Variants in UACA observed in about 807,000 individuals in gnomAD.
UACA encodes the protein nuclear membrane binding protein.
Under a neutral mutation model 160.5 loss-of-function variants are expected in UACA, and 112 were observed. That is an observed-to-expected ratio of 0.70 (90% CI 0.60 to 0.82). The LOEUF is 0.82. UACA is among the 40% of genes least tolerant of loss of function. UACA has a pLI of 0.00. For missense variants in UACA, 1,574 were observed against 1,614.6 expected (o/e 0.97, Z 0.43); for synonymous variants, 557 against 568.4 (o/e 0.98, Z 0.29).
intron 13 of UACA, 138 bp from the exon 14 acceptor site, chr15:70,672,139 T>C: frequency 1.7e-6 from 1 of 603,404 alleles, no homozygotes; most frequent in Non-Finnish European, 2.6e-6. Flanking sequence ...ATTATTCTAC[T>C]CAAACCCACA....
Position 70,697,535 on chromosome 15 carries a change from C to G in UACA, c.212+1992G>C, listed in dbSNP as rs1279772483. On this transcript the variant is annotated intron_variant, in intron 2 of 18. Coordinates refer to ENST00000322954, the MANE Select transcript of UACA (RefSeq NM_018003.4). ...GCTTCAAATATTTCATTTTTGAAACCAAATTGAGCTCAAGAAGCACATGTT... is the reference window on the plus strand; with the variant it reads ...GCTTCAAATATTTCATTTTTGAAACGAAATTGAGCTCAAGAAGCACATGTT... Among the ~76,000 whole-genome samples the G allele has an allele frequency of 3.9e-5, 6 of 152,234 alleles. No homozygotes were observed. In the East Asian group the frequency reaches 1.2e-3, roughly 29 times the overall value.
Position 70,763,423 on chromosome 15 carries a change from G to A in UACA, c.-16C>T, listed in dbSNP as rs2030901675. 4 of 1,297,898 alleles carry A rather than the reference G, an allele frequency of 3.1e-6. No individual in the cohort carries two copies. The highest frequency in any genetic ancestry group is 3.2e-5 in the East Asian group (1 of 31,736). The allele number at this position is 1,297,898 out of a possible 1,614,324, so 80.4% of individuals were successfully genotyped here. A position where few individuals can be genotyped will look rare whatever the true frequency, so the allele number is the denominator to read the frequency against. On this transcript the variant is annotated 5_prime_UTR_variant, in exon 1 of 19. Coordinates refer to ENST00000322954, the MANE Select transcript of UACA (RefSeq NM_018003.4). Reference sequence around the variant, plus strand: ...GGCTCTTCATGGCTAACTCTTGCCTGGCCCCCGCGCGAACCTTAAAGGCTG... The same window carrying A: ...GGCTCTTCATGGCTAACTCTTGCCTAGCCCCCGCGCGAACCTTAAAGGCTG...
At chr15:70,756,592 G>T (rs1449544306) in intron 1 of UACA, among the ~76,000 whole-genome samples, 4 of 152,136 alleles carry the variant, frequency 2.6e-5, no homozygotes, top group Admixed American at 2.6e-4. Flanking sequence ...TAAAGACTCA[G>T]CTGGGCGAGG....
At chr15:70,686,166 T>C (rs1237626704) in intron 7 of UACA, among the ~76,000 whole-genome samples, 1 of 151,938 alleles carries the variant, frequency 6.6e-6, no homozygotes, top group Non-Finnish European at 1.5e-5. Flanking sequence ...AAGAGGTTTA[T>C]TCTGAGCCAA....
At chr15:70,677,454 T>C (rs1311679129) in intron 11 of UACA, among the ~76,000 whole-genome samples, 1 of 152,208 alleles carries the variant, frequency 6.6e-6, no homozygotes, top group Non-Finnish European at 1.5e-5. Flanking sequence ...CTTTTGCTTT[T>C]GCATATGTTC....
chr15:70,663,985 G>A (rs948620355), intron 17 of UACA, among the ~76,000 whole-genome samples: 8 of 152,030 alleles, frequency 5.3e-5, no homozygotes, highest in Non-Finnish European at 8.8e-5. Context: ...AAACCTGCAC[G>A]TTGTGCACAT....
At chr15:70,747,359 T>G (rs1899742634) in intron 1 of UACA, among the ~76,000 whole-genome samples, 1 of 146,608 alleles carries the variant, frequency 6.8e-6, no homozygotes, top group African/African-American at 2.5e-5. Context: ...TTCCCCCGCC[T>G]CAGCCTCCCT....
chr15:70,657,118 C>T lies in UACA; in HGVS notation c.4189G>A (p.Asp1397Asn). The change falls in exon 19 of 19, where the codon GAT (aspartate) becomes AAT (asparagine). Residue 1397 changes from aspartate to asparagine, a missense_variant. By Grantham distance (23) the Asp-to-Asn change is conservative. Coordinates refer to ENST00000322954, the MANE Select transcript of UACA (RefSeq NM_018003.4). ...HLLSAAQGHM[D>N]EDVQEALLQI... ...AGCAGAGCCTCCTGAACATCTTCAT[C>T]CATGTGACCCTTCGGAGAAAGAAGA... 2 of 1,613,954 alleles carry T rather than the reference C, an allele frequency of 1.2e-6. No homozygotes were observed. The highest frequency in any genetic ancestry group is 2.2e-5 in the South Asian group (2 of 91,076).
Position 70,727,846 on chromosome 15 carries a change from G to A in UACA, c.79-28186C>T, listed in dbSNP as rs554816292. ...AAAAGCCTTGAAATGAAGAAAGAAA[G>A]AAGGGTGGCTCTGTTTGAAAGTAGG... On this transcript the variant is annotated intron_variant, in intron 1 of 18. Transcript: ENST00000322954. 3.3e-4 allele frequency among the ~76,000 whole-genome samples: 51 copies of A among 152,280 alleles called. No individual in the cohort carries two copies. In the South Asian group the frequency reaches 4.6e-3, roughly 14 times the overall value.
intron 1 of UACA, among the ~76,000 whole-genome samples, chr15:70,719,175 T>G (rs531995646): frequency 2.6e-5 from 4 of 152,090 alleles, no homozygotes; most frequent in African/African-American, 9.6e-5. Flanking sequence ...AAAAGGGGCC[T>G]ATGTGCAAGT....
At chr15:70,772,591 G>T in the UACA span, among the ~76,000 whole-genome samples, 9 of 151,740 alleles carry the variant, frequency 5.9e-5, no homozygotes, top group Admixed American at 2.0e-4. Flanking sequence ...AAAGTCAAGA[G>T]TTCTGTTTGG....
intron 1 of UACA, among the ~76,000 whole-genome samples, chr15:70,712,290 A>AT (rs1437911556): frequency 6.6e-6 from 1 of 151,860 alleles, no homozygotes; most frequent in African/African-American, 2.4e-5. Flanking sequence ...AATCCTGCTG[A>AT]TTTTACCTCC....
At chr15:70,669,567 A>G in intron 15 of UACA, 105 bp from the exon 16 acceptor site, 1 of 893,578 alleles carries the variant, frequency 1.1e-6, no homozygotes, top group South Asian at 2.0e-5. Context: ...CAGGAATCAA[A>G]GGGTTTTCAG....
At chr15:70,737,897 T>C (rs1008138351) in intron 1 of UACA, among the ~76,000 whole-genome samples, 4 of 152,170 alleles carry the variant, frequency 2.6e-5, no homozygotes, top group East Asian at 1.9e-4. Flanking sequence ...CCAAACCACA[T>C]TTCCAGGCCC....
chr15:70,682,257 C>T (rs1473806041), intron 9 of UACA, among the ~76,000 whole-genome samples: 1 of 152,032 alleles, frequency 6.6e-6, no homozygotes, highest in Non-Finnish European at 1.5e-5. Context: ...ATTAAATACA[C>T]ACAGAAAAAA....
chr15:70,710,507 G>A (rs1898652491), intron 1 of UACA, among the ~76,000 whole-genome samples: 1 of 152,150 alleles, frequency 6.6e-6, no homozygotes, highest in Admixed American at 6.5e-5. Context: ...TGGAGATAGT[G>A]TCAGATCGCA....
At chr15:70,692,841 T>C (rs1214369610) in intron 3 of UACA, among the ~76,000 whole-genome samples, 3 of 152,220 alleles carry the variant, frequency 2.0e-5, no homozygotes, top group Non-Finnish European at 4.4e-5. Flanking sequence ...TAATTTATGT[T>C]TTATTCATCT....
At chr15:70,753,952 CCCA>C (rs1426554329) in intron 1 of UACA, 1 of 359,686 alleles carries the variant, frequency 2.8e-6, no homozygotes, top group Non-Finnish European at 5.5e-6. Context: ...ACTACAGGTG[CCCA>C]CCACCATGCC....
chr15:70,677,089 A>C lies in UACA; in HGVS notation c.1032+19T>G. ...TTCCTAAAACAATTTTAATGGTTTA[A>C]AATAAAATGTCACCCTACCTCGCTT... On this transcript the variant is annotated intron_variant, in intron 12 of 18. Transcript: ENST00000322954. The C allele has an allele frequency of 6.3e-7, 1 of 1,593,770 alleles. No homozygotes were observed. Among genetic ancestry groups the C allele is most frequent in the Non-Finnish European group, 8.6e-7 (1 of 1,168,034 alleles).
Sources: gnomAD v4.1 joint callset for allele counts (sites outside exome capture counted in the v4.1 genomes callset) on GRCh38, gnomAD v4.1.1 for gene constraint, MANE v1.5 for transcripts, NCBI Gene and HGNC (gene_info 2026-07-23, HGNC 2026-07-21) for gene names.